SCAF11: variants seen among roughly 807,000 people sequenced by gnomAD.
SCAF11 encodes protein SCAF11.
SCAF11 carries 47 observed loss-of-function variants against 140.5 expected under a neutral mutation model. That is an observed-to-expected ratio of 0.33 (90% CI 0.26 to 0.43). The LOEUF is 0.43. SCAF11 is among the 20% of genes least tolerant of loss of function. The pLI is 1.00. For missense variants in SCAF11, 1,645 were observed against 1,705.1 expected (o/e 0.96, Z 0.62); for synonymous variants, 557 against 579.4 (o/e 0.96, Z 0.55).
chr12:45,959,271 T>TA (rs879300794), intron 3 of SCAF11, among the ~76,000 whole-genome samples: 161 of 130,048 alleles, frequency 1.2e-3, no homozygotes, highest in East Asian at 4.2e-3. Context: ...CTGTCTCAAA[T>TA]AAAAAAAAAA....
At chr12:45,948,744 A>G (rs1565674531) in intron 4 of SCAF11, among the ~76,000 whole-genome samples, 1 of 152,220 alleles carries the variant, frequency 6.6e-6, no homozygotes, top group Non-Finnish European at 1.5e-5. Flanking sequence ...AGTGACAGCT[A>G]AGCATAAACA....
At chr12:45,976,930 A>G (rs1414414881) in intron 1 of SCAF11, among the ~76,000 whole-genome samples, 1 of 152,122 alleles carries the variant, frequency 6.6e-6, no homozygotes, top group Non-Finnish European at 1.5e-5. Flanking sequence ...ATAAAATTTA[A>G]ACCTCTTGCC....
At chr12:45,972,585 T>TAAAAAAAAAAAAAAAAAAAAAAA in intron 1 of SCAF11, among the ~76,000 whole-genome samples, 1 of 107,682 alleles carries the variant, frequency 9.3e-6, no homozygotes, top group Non-Finnish European at 1.8e-5. Context: ...CCCTGTCTCT[T>TAAAAAAAAAAAAAAAAAAAAAAA]AAAAAAAAAA....
At chr12:45,952,530 T>C (rs137874796) in intron 3 of SCAF11, among the ~76,000 whole-genome samples, 2,246 of 152,304 alleles carry the variant, frequency 0.015, 198 homozygotes, top group Admixed American at 0.13. Flanking sequence ...AATTGAGTTA[T>C]AGGTGCTCTT....
chr12:45,951,399 G>T (rs1459272785), intron 4 of SCAF11, among the ~76,000 whole-genome samples: 1 of 152,050 alleles, frequency 6.6e-6, no homozygotes, highest in Non-Finnish European at 1.5e-5. Flanking sequence ...GATTATCAGA[G>T]ATCTAATACA....
intron 6 of SCAF11, among the ~76,000 whole-genome samples, chr12:45,937,126 C>A (rs917275180): frequency 1.3e-5 from 2 of 151,944 alleles, no homozygotes; most frequent in Middle Eastern, 6.8e-3. Context: ...AAAAAATTTC[C>A]TTTGTATTAC....
chr12:45,975,919 T>C (rs1291101041), intron 1 of SCAF11, among the ~76,000 whole-genome samples: 1 of 152,088 alleles, frequency 6.6e-6, no homozygotes, highest in Non-Finnish European at 1.5e-5. Context: ...GATATAATAA[T>C]AACAAAGATA....
chr12:45,926,119 A>G (rs372270232), intron 11 of SCAF11, 23 bp downstream of exon 11: 174 of 1,558,024 alleles, frequency 1.1e-4, no homozygotes, highest in Middle Eastern at 1.7e-4. Context: ...AACAGTATCA[A>G]TAAACCAACA....
rs1425515601 is a variant in SCAF11, at chr12:45,927,179, C to T, written c.2522G>A (p.Arg841Lys). The change falls in exon 11 of 15, where the codon AGA (arginine) becomes AAA (lysine). Residue 841 changes from arginine (R) to lysine (K), a missense_variant. By Grantham distance (26) the Arg-to-Lys change is conservative. Coordinates refer to ENST00000369367, the MANE Select transcript of SCAF11 (RefSeq NM_004719.3). ...QSPSPKNESA[R>K]GRKKSRSQSP... ...CTGAGAACGGGATTTTTTCCGGCCT[C>T]TGGCTGACTCATTCTTAGGAGATGG... The T allele has an allele frequency of 6.2e-7, 1 of 1,613,964 alleles. No individual in the cohort carries two copies. The highest frequency in any genetic ancestry group is 1.7e-5 in the Admixed American group (1 of 60,002).
rs1183253436 is a variant in SCAF11, at chr12:45,964,172, C to G, written c.-5G>C. 2 of 1,499,322 alleles carry G rather than the reference C, an allele frequency of 1.3e-6. No individual in the cohort carries two copies. The highest frequency in any genetic ancestry group is 1.4e-5 in the African/African-American group (1 of 72,136). The allele number at this position is 1,499,322 out of a possible 1,614,324, so 92.9% of individuals were successfully genotyped here. Reference sequence around the variant, plus strand: ...ACATACAGTTTTCTTCTTCATTTCTCTTTGGAAAAGGGTTTCCTATAAGAT... The same window carrying G: ...ACATACAGTTTTCTTCTTCATTTCTGTTTGGAAAAGGGTTTCCTATAAGAT... On this transcript the variant is annotated 5_prime_UTR_variant, in exon 2 of 15. Coordinates refer to ENST00000369367, the MANE Select transcript of SCAF11 (RefSeq NM_004719.3).
At chr12:45,990,231 G>C (rs1320937960) in intron 1 of SCAF11, 122 bp downstream of exon 1, 1 of 1,212,796 alleles carries the variant, frequency 8.2e-7, no homozygotes, top group Non-Finnish European at 1.0e-6. Context: ...GCGAGATTCC[G>C]AAACTTTGTC....
At chr12:45,923,665 A>G (rs1944768855) in intron 12 of SCAF11, among the ~76,000 whole-genome samples, 1 of 151,746 alleles carries the variant, frequency 6.6e-6, no homozygotes, top group East Asian at 1.9e-4. Flanking sequence ...GATTCTATTT[A>G]TTTTATTTTA....
upstream of SCAF11, among the ~76,000 whole-genome samples, chr12:45,991,562 AAAC>A (rs1454383546): frequency 1.3e-5 from 2 of 152,138 alleles, no homozygotes; most frequent in Non-Finnish European, 2.9e-5. Flanking sequence ...ACCCTGTCTC[AAAC>A]AACAACAAAA....
chr12:45,977,770 G>A (rs1048776679), intron 1 of SCAF11, among the ~76,000 whole-genome samples: 2 of 152,062 alleles, frequency 1.3e-5, no homozygotes, highest in African/African-American at 2.4e-5. Flanking sequence ...GCTTGGGAGG[G>A]GGTGTTTGAA....
rs192115019 is a variant in SCAF11 at position 45,928,252 on chromosome 12, A to C, written c.1449T>G (p.Pro483=). 6.2e-7 allele frequency: 1 copy of C among 1,614,044 alleles called. No individual in the cohort carries two copies. The highest frequency in any genetic ancestry group is 1.1e-5 in the South Asian group (1 of 91,080). Residue 483 remains proline (P), a synonymous_variant, in exon 11 of 15, where the codon CCT becomes CCG. Transcript: ENST00000369367. ...SSSESCAQDL[P]VLVGEEGEVK... is the part of the protein sequence containing the mutation. ...CTTCCCCTTCCTCACCAACTAGCACAGGAAGATCTTGAGCACAAGACTCAG... is the reference window on the plus strand; with the variant it reads ...CTTCCCCTTCCTCACCAACTAGCACCGGAAGATCTTGAGCACAAGACTCAG...
intron 6 of SCAF11, chr12:45,934,831 G>T: frequency 5.8e-6 from 1 of 172,808 alleles, no homozygotes. Context: ...TGTAACAAAA[G>T]GTATACACAA....
At position 45,990,426 on chromosome 12, in the gene SCAF11, C is replaced by G; in HGVS notation, c.-95G>C. 8.1e-7 allele frequency: 1 copy of G among 1,232,168 alleles called. No individual in the cohort carries two copies. The highest frequency in any genetic ancestry group is 1.0e-6 in the Non-Finnish European group (1 of 988,384). 76.3% of individuals were successfully genotyped at this position (1,232,168 alleles called of 1,614,324 possible). A position where few individuals can be genotyped will look rare whatever the true frequency, so the allele number is the denominator to read the frequency against. ...TTCCCAGGTCCCAGTCACTCCGCTG[C>G]CAAGTTCCCCAACATGGACTCCTTC... is the stretch of plus-strand genomic sequence containing the variant. On this transcript the variant is annotated 5_prime_UTR_variant, in exon 1 of 15. Transcript: ENST00000369367.
chr12:45,936,849 T>A (rs946278828), intron 6 of SCAF11, among the ~76,000 whole-genome samples: 1 of 152,182 alleles, frequency 6.6e-6, no homozygotes, highest in African/African-American at 2.4e-5. Context: ...GAATTCTGAG[T>A]TAGTGCACGA....
rs372937989 is a variant in SCAF11, at chr12:45,919,234, A to G, written c.*2814T>C. The G allele has an allele frequency of 3.5e-4, 53 of 152,390 alleles. 2 individuals are homozygous for G. In the South Asian group the frequency reaches 0.01, roughly 29 times the overall value. 9.4% of individuals were successfully genotyped at this position (152,390 alleles called of 1,614,324 possible). On this transcript the variant is annotated 3_prime_UTR_variant, in exon 15 of 15. Coordinates refer to ENST00000369367, the MANE Select transcript of SCAF11 (RefSeq NM_004719.3). ...GCACTCCAACTTCATAATACAAACA[A>G]TATCTCATGGACCCTGGGGCAATCA...
Sources: allele counts gnomAD v4.1 joint callset (sites outside exome capture counted in the v4.1 genomes callset), GRCh38; gene constraint gnomAD v4.1.1; transcripts MANE v1.5; gene names NCBI Gene and HGNC (gene_info 2026-07-23, HGNC 2026-07-21).